Variants in DGKB observed in about 807,000 individuals in gnomAD.
DGKB encodes the protein diacylglycerol kinase beta, also known as 90 kDa diacylglycerol kinase.
Under a neutral mutation model 114.3 loss-of-function variants are expected in DGKB, and 67 were observed. The ratio of observed to expected loss-of-function variants is 0.59; its 90% CI spans 0.48 to 0.72. DGKB has a LOEUF of 0.72. Among genes scored for constraint, DGKB ranks in the 30% least tolerant of loss-of-function variants. The pLI is 0.00. For synonymous variants in DGKB, 398 were observed against 323.1 expected, an observed-to-expected ratio of 1.23 and a Z score of -2.49; for missense variants, 907 against 975.2, an observed-to-expected ratio of 0.93 and a Z score of 0.93.
intron 5 of DGKB, among the ~76,000 whole-genome samples, chr7:14,724,233 G>A (rs1279034406): frequency 1.3e-5 from 2 of 151,962 alleles, no homozygotes; most frequent in African/African-American, 2.4e-5. Context: ...CATACTATTG[G>A]TCATAATGAG....
At chr7:14,651,339 T>G (rs2128899082) in intron 13 of DGKB, among the ~76,000 whole-genome samples, 1 of 151,792 alleles carries the variant, frequency 6.6e-6, no homozygotes. Context: ...CAAGGCTGGT[T>G]CAATACACGC....
chr7:14,556,972 A>G (rs1795963550), intron 20 of DGKB, among the ~76,000 whole-genome samples: 1 of 152,136 alleles, frequency 6.6e-6, no homozygotes, highest in Admixed American at 6.6e-5. Flanking sequence ...ACCTTTCTAC[A>G]TTTTCCCCCT....
At chr7:14,533,685 A>G (rs1365869350) in intron 20 of DGKB, among the ~76,000 whole-genome samples, 2 of 151,948 alleles carry the variant, frequency 1.3e-5, no homozygotes, top group Non-Finnish European at 2.9e-5. Flanking sequence ...GCAATAACTC[A>G]TCACAGAAAA....
At chr7:14,415,543 A>G (rs575621924) in intron 21 of DGKB, among the ~76,000 whole-genome samples, 1,538 of 151,572 alleles carry the variant, frequency 0.01, 23 homozygotes, top group African/African-American at 0.035. Flanking sequence ...TTCTTGCGAT[A>G]GTTTGCTGAG....
At chr7:14,326,649 T>C (rs1442127124) in intron 23 of DGKB, among the ~76,000 whole-genome samples, 1 of 152,184 alleles carries the variant, frequency 6.6e-6, no homozygotes, top group Non-Finnish European at 1.5e-5. Context: ...TTCAACCTCC[T>C]TTCCTTTGCG....
intron 17 of DGKB, among the ~76,000 whole-genome samples, chr7:14,590,332 T>G (rs2128744116): frequency 6.6e-6 from 1 of 152,242 alleles, no homozygotes; most frequent in African/African-American, 2.4e-5. Context: ...GCACTGAAGC[T>G]TAAGAAAACT....
intron 1 of DGKB, among the ~76,000 whole-genome samples, chr7:14,937,664 C>G (rs1007550316): frequency 1.3e-5 from 2 of 152,066 alleles, no homozygotes; most frequent in African/African-American, 2.4e-5. Context: ...CTTCCCTGCT[C>G]TAATATACAG....
chr7:14,968,778 T>A (rs1787305099), intron 1 of DGKB, among the ~76,000 whole-genome samples: 1 of 152,204 alleles, frequency 6.6e-6, no homozygotes, highest in Non-Finnish European at 1.5e-5. Context: ...ATGTAGTACA[T>A]GGCATTCTTT....
At chr7:14,722,863 C>T (rs1468676487) in intron 5 of DGKB, among the ~76,000 whole-genome samples, 1 of 151,864 alleles carries the variant, frequency 6.6e-6, no homozygotes, top group Non-Finnish European at 1.5e-5. Flanking sequence ...TTTATTCCTG[C>T]TCCTACCACC....
intron 21 of DGKB, among the ~76,000 whole-genome samples, chr7:14,388,266 CAA>C (rs34349170): frequency 1.3e-4 from 18 of 143,688 alleles, no homozygotes; most frequent in Middle Eastern, 3.7e-3. Context: ...AATGTGAAGC[CAA>C]AAAAAAAAAG....
At chr7:14,350,029 G>A (rs1361949506) in intron 21 of DGKB, among the ~76,000 whole-genome samples, 1 of 152,076 alleles carries the variant, frequency 6.6e-6, no homozygotes, top group African/African-American at 2.4e-5. Flanking sequence ...AATTAACGTA[G>A]TAAACCCTAT....
rs140532701 is a variant in DGKB, at chr7:14,879,144, A to T, written c.-188+23448T>A. ...AGAACTAATGTATATCAAGACAATG[A>T]TTCACAGATTAAGGTAAAGTAGTTC... On this transcript the variant is annotated intron_variant, in intron 1 of 25. Transcript: ENST00000402815. Among the ~76,000 whole-genome samples, 28 of 152,072 alleles carry T rather than the reference A, an allele frequency of 1.8e-4. No homozygotes were observed. In the East Asian group the frequency reaches 3.3e-3, roughly 18 times the overall value.
chr7:14,712,352 T>G (rs554677967), intron 6 of DGKB, among the ~76,000 whole-genome samples: 2 of 152,232 alleles, frequency 1.3e-5, no homozygotes, highest in Non-Finnish European at 2.9e-5. Flanking sequence ...ATGAAAATAT[T>G]CAAGAACAAA....
At chr7:14,380,183 G>T (rs988019426) in intron 21 of DGKB, among the ~76,000 whole-genome samples, 1 of 151,718 alleles carries the variant, frequency 6.6e-6, no homozygotes, top group Non-Finnish European at 1.5e-5. Context: ...AGCCCTAAAA[G>T]ATTTATAAAC....
At chr7:14,589,161 A>G (rs1347646938) in intron 17 of DGKB, among the ~76,000 whole-genome samples, 1 of 151,998 alleles carries the variant, frequency 6.6e-6, no homozygotes, top group African/African-American at 2.4e-5. Context: ...TATTTTAAAC[A>G]TTTAAAAATT....
intron 23 of DGKB, among the ~76,000 whole-genome samples, chr7:14,330,851 GC>G (rs1809600774): frequency 1.3e-5 from 2 of 151,968 alleles, no homozygotes; most frequent in South Asian, 4.2e-4. Context: ...TCTCGATAAT[GC>G]ATGTGCTTTT....
At chr7:14,259,137 C>T (rs902304493) in intron 23 of DGKB, among the ~76,000 whole-genome samples, 1 of 152,128 alleles carries the variant, frequency 6.6e-6, no homozygotes, top group Non-Finnish European at 1.5e-5. Context: ...CACAAATGGG[C>T]ATTGACTGTC....
intron 7 of DGKB, among the ~76,000 whole-genome samples, chr7:14,700,402 CG>C (rs1194917770): frequency 1.3e-5 from 2 of 151,864 alleles, no homozygotes; most frequent in Non-Finnish European, 2.9e-5. Context: ...TTAGTAGAGA[CG>C]GGGTTTCACC....
intron 20 of DGKB, among the ~76,000 whole-genome samples, chr7:14,566,327 TG>T (rs1797376859): frequency 6.6e-6 from 1 of 152,136 alleles, no homozygotes; most frequent in Non-Finnish European, 1.5e-5. Context: ...AAATAATAGA[TG>T]GTTTATTATG....
Sources: allele counts gnomAD v4.1 joint callset (sites outside exome capture counted in the v4.1 genomes callset), GRCh38; gene constraint gnomAD v4.1.1; transcripts MANE v1.5; gene names NCBI Gene and HGNC (gene_info 2026-07-23, HGNC 2026-07-21).